ATRNL1: variants seen among roughly 807,000 people sequenced by gnomAD.
ATRNL1 encodes attractin like 1.
Under a neutral mutation model 182.7 loss-of-function variants are expected in ATRNL1, and 95 were observed. That is an observed-to-expected ratio of 0.52 (90% CI 0.44 to 0.62). ATRNL1 has a LOEUF of 0.62. ATRNL1 is among the 20% of genes least tolerant of loss of function. The pLI is 0.00. For missense variants in ATRNL1, 1,471 were observed against 1,679.5 expected, an observed-to-expected ratio of 0.88 and a Z score of 2.17; for synonymous variants, 576 against 568.3, an observed-to-expected ratio of 1.01 and a Z score of -0.19.
intron 26 of ATRNL1, among the ~76,000 whole-genome samples, chr10:115,553,517 A>G (rs1554996128): frequency 1.3e-5 from 2 of 151,446 alleles, no homozygotes; most frequent in Admixed American, 1.3e-4. Flanking sequence ...TGAATACAGG[A>G]AATTTTGGAG....
At chr10:115,637,288 A>G (rs1858934478) in intron 26 of ATRNL1, among the ~76,000 whole-genome samples, 2 of 152,186 alleles carry the variant, frequency 1.3e-5, no homozygotes, top group African/African-American at 4.8e-5. Flanking sequence ...TGACAGCTTC[A>G]TGAATGTTAT....
chr10:115,681,577 G>A (rs1946047484), intron 26 of ATRNL1, among the ~76,000 whole-genome samples: 1 of 152,032 alleles, frequency 6.6e-6, no homozygotes, highest in African/African-American at 2.4e-5. Context: ...TTGATAGAAG[G>A]TTGTGTTTTT....
At chr10:115,572,756 T>C (rs1854475873) in intron 26 of ATRNL1, among the ~76,000 whole-genome samples, 1 of 152,204 alleles carries the variant, frequency 6.6e-6, no homozygotes, top group Non-Finnish European at 1.5e-5. Context: ...ATATTCAAGA[T>C]CCAAGTCTTG....
chr10:115,543,143 A>G (rs1746697362), intron 25 of ATRNL1, among the ~76,000 whole-genome samples: 1 of 152,130 alleles, frequency 6.6e-6, no homozygotes. Flanking sequence ...TGTTACTTGC[A>G]TTTGAAATAA....
intron 14 of ATRNL1, among the ~76,000 whole-genome samples, chr10:115,281,999 T>A (rs1462841680): frequency 6.8e-6 from 1 of 146,908 alleles, no homozygotes; most frequent in African/African-American, 2.5e-5. Flanking sequence ...CCCAGGGTTT[T>A]AAAAATATTA....
intron 27 of ATRNL1, among the ~76,000 whole-genome samples, chr10:115,739,769 A>G (rs1005289918): frequency 6.6e-6 from 1 of 152,212 alleles, no homozygotes; most frequent in South Asian, 2.1e-4. Flanking sequence ...TATGTCTGGT[A>G]GTATGCAGTA....
chr10:115,760,059 T>A (rs1948697830), intron 27 of ATRNL1, among the ~76,000 whole-genome samples: 1 of 151,682 alleles, frequency 6.6e-6, no homozygotes. Context: ...GAAATAAAAA[T>A]GTGAATTTTA....
At chr10:115,217,761 T>G (rs1849288382) in intron 9 of ATRNL1, among the ~76,000 whole-genome samples, 2 of 152,248 alleles carry the variant, frequency 1.3e-5, no homozygotes, top group African/African-American at 4.8e-5. Flanking sequence ...TAAATTATTT[T>G]AAACACCTCA....
At chr10:115,845,529 G>A (rs2960678) in intron 27 of ATRNL1, among the ~76,000 whole-genome samples, 114,876 of 151,870 alleles carry the variant, frequency 0.76, 43,539 homozygotes, top group Admixed American at 0.82. Flanking sequence ...TTGATGTTTT[G>A]AAATATTTTC....
intron 19 of ATRNL1, among the ~76,000 whole-genome samples, chr10:115,355,540 C>T (rs1262023508): frequency 1.3e-5 from 2 of 151,992 alleles, no homozygotes; most frequent in South Asian, 4.1e-4. Context: ...GAACGGGTGG[C>T]ATGGGCACTT....
chr10:115,317,612 T>C (rs1554930112), intron 18 of ATRNL1, among the ~76,000 whole-genome samples: 1 of 152,144 alleles, frequency 6.6e-6, no homozygotes, highest in Non-Finnish European at 1.5e-5. Context: ...GTCCTTCACA[T>C]CCCTTGTTAG....
At chr10:115,354,900 A>G (rs572341670) in intron 19 of ATRNL1, among the ~76,000 whole-genome samples, 1 of 151,800 alleles carries the variant, frequency 6.6e-6, no homozygotes, top group African/African-American at 2.4e-5. Context: ...ATCTATTTTC[A>G]TATAGTATGT....
chr10:115,645,075 A>G (rs1411962433), intron 26 of ATRNL1, among the ~76,000 whole-genome samples: 2 of 152,198 alleles, frequency 1.3e-5, no homozygotes, highest in African/African-American at 4.8e-5. Flanking sequence ...TTGCTTCATT[A>G]CTCAACACTA....
intron 26 of ATRNL1, among the ~76,000 whole-genome samples, chr10:115,691,462 C>T (rs1289850858): frequency 6.6e-6 from 1 of 152,180 alleles, no homozygotes; most frequent in Non-Finnish European, 1.5e-5. Context: ...TGGCTCACGC[C>T]TGTAATTCCA....
intron 19 of ATRNL1, among the ~76,000 whole-genome samples, chr10:115,389,897 T>C (rs1348271976): frequency 6.6e-6 from 1 of 152,022 alleles, no homozygotes; most frequent in Non-Finnish European, 1.5e-5. Context: ...CTTAAACACG[T>C]GTGAGGTGAT....
intron 26 of ATRNL1, among the ~76,000 whole-genome samples, chr10:115,721,501 A>C (rs1565317885): frequency 6.6e-6 from 1 of 152,294 alleles, no homozygotes. Context: ...GGGAGGCCTC[A>C]GAATCATGGT....
At chr10:115,687,257 C>T (rs943019809) in intron 26 of ATRNL1, among the ~76,000 whole-genome samples, 3 of 152,086 alleles carry the variant, frequency 2.0e-5, no homozygotes, top group Non-Finnish European at 4.4e-5. Flanking sequence ...CTTTGACTCA[C>T]ACTTCTCCAC....
At chr10:115,435,203 T>C (rs1252474964) in intron 21 of ATRNL1, among the ~76,000 whole-genome samples, 5 of 152,036 alleles carry the variant, frequency 3.3e-5, no homozygotes, top group Non-Finnish European at 4.4e-5. Flanking sequence ...GTATTTTTAG[T>C]AGAGACGGGG....
intron 26 of ATRNL1, among the ~76,000 whole-genome samples, chr10:115,718,399 T>C (rs534136042): frequency 3.5e-4 from 54 of 152,332 alleles, no homozygotes; most frequent in African/African-American, 1.2e-3. Flanking sequence ...TTAATTATGA[T>C]TCTTAAGTGC....
Sources: gnomAD v4.1 joint callset for allele counts (sites outside exome capture counted in the v4.1 genomes callset) on GRCh38, gnomAD v4.1.1 for gene constraint, MANE v1.5 for transcripts, NCBI Gene and HGNC (gene_info 2026-07-23, HGNC 2026-07-21) for gene names.